HABP4: variants seen among roughly 807,000 people sequenced by gnomAD.
The protein encoded by HABP4 is hyaluronan binding protein 4.
HABP4 carries 32 observed loss-of-function variants against 44.1 expected under a neutral mutation model. The ratio of observed to expected loss-of-function variants is 0.73; its 90% CI spans 0.55 to 0.97. The LOEUF is 0.97. Among genes scored for constraint, HABP4 ranks in the 50% least tolerant of loss-of-function variants. HABP4 has a pLI of 0.00. For synonymous variants in HABP4, 216 were observed against 218.0 expected, an observed-to-expected ratio of 0.99 and a Z score of 0.08; for missense variants, 503 against 561.9, an observed-to-expected ratio of 0.90 and a Z score of 1.06.
intron 5 of HABP4, among the ~76,000 whole-genome samples, chr9:96,482,093 AC>A (rs1832891217): frequency 6.6e-6 from 1 of 151,500 alleles, no homozygotes; most frequent in Admixed American, 6.6e-5. Context: ...ATTCCACTAC[AC>A]CCGGCTAATT....
intron 1 of HABP4, chr9:96,451,475 G>T (rs1285028086): frequency 4.1e-6 from 4 of 985,060 alleles, no homozygotes; most frequent in South Asian, 9.4e-5. Flanking sequence ...AAATGAGGCA[G>T]CGGTCCCAAG....
intron 5 of HABP4, among the ~76,000 whole-genome samples, chr9:96,482,304 C>T (rs902214043): frequency 2.6e-5 from 4 of 152,134 alleles, no homozygotes; most frequent in African/African-American, 9.7e-5. Context: ...CATTTCTCCT[C>T]AGCATGTAGT....
intron 4 of HABP4, among the ~76,000 whole-genome samples, chr9:96,467,466 C>G (rs969179988): frequency 2.7e-5 from 4 of 149,066 alleles, no homozygotes; most frequent in East Asian, 2.0e-4. Flanking sequence ...AATATAGGCA[C>G]TTTCTTTCCT....
Position 96,458,490 on chromosome 9 carries a change from A to G in HABP4, c.461A>G (p.Tyr154Cys). Reference sequence around the variant, plus strand: ...AGATCCTACAGGGAATACCGACCCTATGAGACAGAGAGGCAGGCAGACTTC... The same window carrying G: ...AGATCCTACAGGGAATACCGACCCTGTGAGACAGAGAGGCAGGCAGACTTC... ...ERRSYREYRP[Y>C]ETERQADFTA... The change falls in exon 2 of 8, where the codon TAT (tyrosine) becomes TGT (cysteine). Residue 154 changes from tyrosine to cysteine, a missense_variant. By Grantham distance (194) the Tyr-to-Cys change is radical. Around this residue, in one of 3 missense-constraint regions of HABP4, gnomAD observed 290 missense variants for 300.5 expected, o/e 0.97. Transcript: ENST00000375249. 6.2e-6 allele frequency: 10 copies of G among 1,613,630 alleles called. No homozygotes were observed. Among genetic ancestry groups the G allele is most frequent in the East Asian group, 2.2e-5 (1 of 44,888 alleles).
At chr9:96,482,113 A>C (rs1224715384) in intron 5 of HABP4, among the ~76,000 whole-genome samples, 1 of 151,640 alleles carries the variant, frequency 6.6e-6, no homozygotes, top group African/African-American at 2.4e-5. Flanking sequence ...TTTTTCTGGT[A>C]TTTTTTAGTA....
intron 6 of HABP4, 119 bp from the exon 7 acceptor site, chr9:96,487,970 G>A (rs1833004132): frequency 6.9e-6 from 5 of 725,132 alleles, no homozygotes; most frequent in Non-Finnish European, 9.9e-6. Context: ...CCAGAGAATG[G>A]CTCTGACTAG....
At chr9:96,453,242 T>C (rs1832318479) in intron 1 of HABP4, among the ~76,000 whole-genome samples, 1 of 152,034 alleles carries the variant, frequency 6.6e-6, no homozygotes, top group Non-Finnish European at 1.5e-5. Context: ...AATTTTTGTA[T>C]ATTTTTTAGT....
intron 1 of HABP4, among the ~76,000 whole-genome samples, chr9:96,456,774 AAAAAAAATATATAT>A (rs1372500247): frequency 4.3e-5 from 3 of 70,280 alleles, no homozygotes; most frequent in African/African-American, 1.9e-4. Context: ...AAAAAAAAAA[AAAAAAAATATATAT>A]ATATATATAT....
At chr9:96,485,495 G>C (rs1339862900) in intron 6 of HABP4, among the ~76,000 whole-genome samples, 1 of 152,226 alleles carries the variant, frequency 6.6e-6, no homozygotes, top group African/African-American at 2.4e-5. Context: ...GCTCGGTCAG[G>C]CACTGCCACA....
chr9:96,462,831 A>C (rs775572536), intron 2 of HABP4, among the ~76,000 whole-genome samples: 2 of 151,220 alleles, frequency 1.3e-5, no homozygotes, highest in Non-Finnish European at 2.9e-5. Flanking sequence ...CTGACATGGG[A>C]AGATTGTTTG....
Position 96,488,410 on chromosome 9 carries a change from G to A in HABP4, c.1185+136G>A. ...TAGCTAGTGTGGGACTGATGTTGGG[G>A]CATTTGGACGGTGTTGTAGCATCAT... On this transcript the variant is annotated intron_variant, in intron 7 of 7. Transcript: ENST00000375249. The surrounding 1 kb of genome is among the most constrained non-coding windows in gnomAD (Gnocchi z 4.6). 2 of 615,018 alleles carry A rather than the reference G, an allele frequency of 3.3e-6. No homozygotes were observed. The highest frequency in any genetic ancestry group is 5.6e-6 in the Non-Finnish European group (2 of 355,024). The allele number at this position is 615,018 out of a possible 1,614,324, so 38.1% of individuals were successfully genotyped here. A position where few individuals can be genotyped will look rare whatever the true frequency, so the allele number is the denominator to read the frequency against.
At chr9:96,456,780 AATATATAT>A (rs71368267) in intron 1 of HABP4, among the ~76,000 whole-genome samples, 2,074 of 44,644 alleles carry the variant, frequency 0.046, 109 homozygotes, top group Middle Eastern at 0.079. Context: ...AAAAAAAAAA[AATATATAT>A]ATATATATAT....
intron 6 of HABP4, among the ~76,000 whole-genome samples, chr9:96,487,652 G>A (rs925318176): frequency 7.9e-5 from 12 of 152,070 alleles, no homozygotes; most frequent in African/African-American, 2.9e-4. Flanking sequence ...ATTTATCAAA[G>A]CATTTGTGAA....
chr9:96,478,282 G>A (rs1196793734), intron 5 of HABP4, among the ~76,000 whole-genome samples: 2 of 151,978 alleles, frequency 1.3e-5, no homozygotes, highest in African/African-American at 2.4e-5. Context: ...ACAGGCGCCC[G>A]CCACTACACC....
chr9:96,468,875 T>G lies in HABP4; in HGVS notation c.744-2136T>G, dbSNP rs148493596. Among the ~76,000 whole-genome samples the G allele has an allele frequency of 3.0e-3, 456 of 152,346 alleles. 1 individual carries two copies. The highest frequency in any genetic ancestry group is 0.01 in the African/African-American group (420 of 41,576). ...GGCTTGAGGTCATGAAAATGATGTA[T>G]GCGAAGGAGTTATGTGCTACTTTTG... On this transcript the variant is annotated intron_variant, in intron 4 of 7. Transcript: ENST00000375249.
At chr9:96,466,313 T>G in intron 4 of HABP4, among the ~76,000 whole-genome samples, 1 of 151,938 alleles carries the variant, frequency 6.6e-6, no homozygotes, top group East Asian at 1.9e-4. Context: ...GAGGTTGCAG[T>G]GAGCCGAGAT....
intron 5 of HABP4, among the ~76,000 whole-genome samples, chr9:96,478,849 T>TC (rs780888960): frequency 1.6e-4 from 24 of 151,968 alleles, no homozygotes; most frequent in Non-Finnish European, 2.8e-4. Flanking sequence ...CAGGCTGGTC[T>TC]CCAACTCTTG....
At chr9:96,465,847 T>G in intron 4 of HABP4, 69 bp downstream of exon 4, 4 of 834,234 alleles carry the variant, frequency 4.8e-6, no homozygotes, top group Non-Finnish European at 8.3e-6. Flanking sequence ...TTGCTTTTCT[T>G]GAAAATGATG....
intron 2 of HABP4, 128 bp from the exon 3 acceptor site, chr9:96,465,209 T>C: frequency 1.5e-6 from 1 of 683,836 alleles, no homozygotes; most frequent in Non-Finnish European, 2.6e-6. Context: ...AAAGGTTAAC[T>C]ATTAATTTGT....
Sources: gnomAD v4.1 joint callset for allele counts (sites outside exome capture counted in the v4.1 genomes callset) on GRCh38, gnomAD v4.1.1 for gene constraint, gnomAD v4.1.1 regional missense constraint, Gnocchi (gnomAD v3.1) non-coding constraint, MANE v1.5 for transcripts, NCBI Gene and HGNC (gene_info 2026-07-23, HGNC 2026-07-21) for gene names.